SH2D4B: variants seen among roughly 807,000 people sequenced by gnomAD.
SH2D4B encodes SH2 domain-containing protein 4B.
SH2D4B carries 45 observed loss-of-function variants against 61.5 expected under a neutral mutation model. The ratio of observed to expected loss-of-function variants is 0.73; its 90% CI spans 0.58 to 0.94. The LOEUF is 0.94. Ranked by LOEUF, SH2D4B falls within the 40% of genes least tolerant of loss-of-function variation. The probability of loss-of-function intolerance (pLI) is 0.00; values close to 1 mark genes in which losing one functional copy is unlikely to be tolerated. For synonymous variants in SH2D4B, 224 were observed against 220.4 expected, an observed-to-expected ratio of 1.02 and a Z score of -0.14; for missense variants, 572 against 574.2, an observed-to-expected ratio of 1.00 and a Z score of 0.04.
chr10:80,605,419 C>T (rs536081495), intron 5 of SH2D4B, among the ~76,000 whole-genome samples: 4 of 152,218 alleles, frequency 2.6e-5, no homozygotes, highest in Admixed American at 2.0e-4. Flanking sequence ...CTGTGATAAA[C>T]ATTTTTTCTC....
At chr10:80,551,137 C>G (rs1349517236) in intron 1 of SH2D4B, among the ~76,000 whole-genome samples, 1 of 152,240 alleles carries the variant, frequency 6.6e-6, no homozygotes, top group Non-Finnish European at 1.5e-5. Context: ...ACTGCAAGCT[C>G]TACCTCCCGG....
rs986987027 is a variant in SH2D4B, at chr10:80,645,708, A to G, written c.*1623A>G. 1.3e-5 allele frequency: 2 copies of G among 152,222 alleles called. No individual in the cohort carries two copies. The highest frequency in any genetic ancestry group is 4.8e-5 in the African/African-American group (2 of 41,436). 9.4% of individuals were successfully genotyped at this position (152,222 alleles called of 1,614,324 possible). A position where few individuals can be genotyped will look rare whatever the true frequency, so the allele number is the denominator to read the frequency against. On this transcript the variant is annotated 3_prime_UTR_variant, in exon 8 of 8. Coordinates refer to ENST00000646907, the MANE Select transcript of SH2D4B (RefSeq NM_001388272.1). ...CTCTCTCCTGTTGCTCTGGGATTGC[A>G]CTTCTGAATGAAGTAGCAGCTCATA...
chr10:80,574,280 G>C (rs1254664762), intron 3 of SH2D4B, among the ~76,000 whole-genome samples: 1 of 152,072 alleles, frequency 6.6e-6, no homozygotes, highest in African/African-American at 2.4e-5. Context: ...GGAACTGCAG[G>C]CATGTGCCAC....
At chr10:80,634,231 G>GTA in intron 6 of SH2D4B, 54 bp from the exon 7 acceptor site, 7 of 1,474,436 alleles carry the variant, frequency 4.7e-6, no homozygotes, top group East Asian at 5.0e-5. Context: ...GAATCGTGGG[G>GTA]GAGGCAGTCG....
chr10:80,609,664 G>A (rs11816639), intron 6 of SH2D4B, 113 bp downstream of exon 6: 135,982 of 1,514,342 alleles, frequency 0.09, 7,434 homozygotes, highest in African/African-American at 0.24. Flanking sequence ...AGGACTTTAA[G>A]CAATCTCCAT....
intron 6 of SH2D4B, among the ~76,000 whole-genome samples, chr10:80,624,602 T>C (rs1301420940): frequency 6.6e-6 from 1 of 152,230 alleles, no homozygotes; most frequent in Non-Finnish European, 1.5e-5. Context: ...TGGCTACATG[T>C]TAGAATCAAC....
chr10:80,543,610 G>A (rs183306711), intron 1 of SH2D4B, among the ~76,000 whole-genome samples: 3,274 of 152,326 alleles, frequency 0.021, 46 homozygotes, highest in Middle Eastern at 0.044. Context: ...CGCACCGCGC[G>A]GGACTGGCAG....
chr10:80,609,866 T>C (rs1458400951), intron 6 of SH2D4B, among the ~76,000 whole-genome samples: 1 of 152,176 alleles, frequency 6.6e-6, no homozygotes, highest in African/African-American at 2.4e-5. Context: ...GAGAGTTGCA[T>C]GAGCTGCTGG....
At chr10:80,639,047 A>G (rs562727828) in intron 7 of SH2D4B, among the ~76,000 whole-genome samples, 5 of 152,336 alleles carry the variant, frequency 3.3e-5, no homozygotes, top group Non-Finnish European at 5.9e-5. Context: ...TTATGTACCC[A>G]GTAGTCATTC....
intron 6 of SH2D4B, among the ~76,000 whole-genome samples, chr10:80,630,335 A>C (rs1309147123): frequency 6.6e-6 from 1 of 152,212 alleles, no homozygotes; most frequent in Non-Finnish European, 1.5e-5. Flanking sequence ...TGCTCCCAGC[A>C]ACAGGTCTCT....
At chr10:80,545,491 C>G (rs1841664065) in intron 1 of SH2D4B, among the ~76,000 whole-genome samples, 1 of 151,676 alleles carries the variant, frequency 6.6e-6, no homozygotes, top group African/African-American at 2.4e-5. Context: ...TCTCTTCTCC[C>G]TTTTCTTCTT....
chr10:80,578,414 G>A (rs1842150679), intron 3 of SH2D4B, among the ~76,000 whole-genome samples: 1 of 150,086 alleles, frequency 6.7e-6, no homozygotes, highest in African/African-American at 2.5e-5. Context: ...AGCTTACAGG[G>A]TGCCAGGGGA....
intron 4 of SH2D4B, 68 bp downstream of exon 4, chr10:80,588,845 G>A: frequency 6.3e-7 from 1 of 1,581,802 alleles, no homozygotes; most frequent in Non-Finnish European, 8.6e-7. Context: ...TCCCAATGCT[G>A]ATGTACTCAT....
chr10:80,574,913 C>T (rs899533053), intron 3 of SH2D4B, among the ~76,000 whole-genome samples: 16 of 151,914 alleles, frequency 1.1e-4, no homozygotes, highest in African/African-American at 3.9e-4. Context: ...GTTGGTCAGG[C>T]TGGTCTCGAA....
At chr10:80,571,783 T>TC (rs1842049353) in intron 3 of SH2D4B, among the ~76,000 whole-genome samples, 3 of 150,500 alleles carry the variant, frequency 2.0e-5, no homozygotes, top group Admixed American at 1.3e-4. Flanking sequence ...TTTCTTTTTT[T>TC]TTTTTTTTGA....
chr10:80,628,471 C>T (rs1450033648), intron 6 of SH2D4B, among the ~76,000 whole-genome samples: 6 of 152,042 alleles, frequency 3.9e-5, no homozygotes, highest in Non-Finnish European at 7.4e-5. Flanking sequence ...ACTGTAAGTT[C>T]GATAAACTTT....
Position 80,622,322 on chromosome 10 carries a change from C to T in SH2D4B, c.989-11963C>T, listed in dbSNP as rs570803572. On this transcript the variant is annotated intron_variant, in intron 6 of 7. Coordinates refer to ENST00000646907, the MANE Select transcript of SH2D4B (RefSeq NM_001388272.1). Reference sequence around the variant, plus strand: ...CACCTTATAGGGAAGTTGTTCTGCTCCTTACTTTTTCACATGATGATGTTA... The same window carrying T: ...CACCTTATAGGGAAGTTGTTCTGCTTCTTACTTTTTCACATGATGATGTTA... Among the ~76,000 whole-genome samples the T allele has an allele frequency of 1.4e-4, 21 of 152,274 alleles. 1 individual carries two copies. In the East Asian group the frequency reaches 3.7e-3, roughly 27 times the overall value.
intron 1 of SH2D4B, among the ~76,000 whole-genome samples, chr10:80,554,298 T>A (rs1032802749): frequency 1.3e-5 from 2 of 152,182 alleles, no homozygotes; most frequent in African/African-American, 4.8e-5. Flanking sequence ...GAGGGGGACA[T>A]CTGCACTGTA....
Position 80,592,648 on chromosome 10 carries a change from A to G in SH2D4B, c.643+3871A>G, listed in dbSNP as rs541095953. Among the ~76,000 whole-genome samples, 291 of 151,452 alleles carry G rather than the reference A, an allele frequency of 1.9e-3. No individual in the cohort carries two copies. In the Middle Eastern group the frequency reaches 0.025, roughly 13 times the overall value. On this transcript the variant is annotated intron_variant, in intron 4 of 7. Transcript: ENST00000646907. ...GACTATTCTTTCTCCATTGGATGGT[A>G]TTGGAACTCTTGTTGAAAATCAATT...
Sources: gnomAD v4.1 joint callset for allele counts (sites outside exome capture counted in the v4.1 genomes callset) on GRCh38, gnomAD v4.1.1 for gene constraint, MANE v1.5 for transcripts, NCBI Gene and HGNC (gene_info 2026-07-23, HGNC 2026-07-21) for gene names.